PDPR: variants seen among roughly 807,000 people sequenced by gnomAD.
PDPR encodes the protein pyruvate dehydrogenase phosphatase regulatory subunit, mitochondrial.
PDPR carries 50 observed loss-of-function variants against 102.2 expected under a neutral mutation model. The observed-to-expected ratio is 0.49, with a 90% confidence interval of 0.39 to 0.62. The LOEUF (loss-of-function observed/expected upper bound fraction) is 0.62, where lower values mean the gene tolerates loss of function less well. Among genes scored for constraint, PDPR ranks in the 20% least tolerant of loss-of-function variants. The pLI is 0.00. For missense variants in PDPR, 625 were observed against 1,098.2 expected (o/e 0.57, Z 6.09); for synonymous variants, 259 against 406.0 (o/e 0.64, Z 4.35).
chr16:70,150,224 C>A (rs2152116546), intron 17 of PDPR, among the ~76,000 whole-genome samples: 1 of 152,080 alleles, frequency 6.6e-6, no homozygotes, highest in East Asian at 1.9e-4. Flanking sequence ...CTGCCTCAGC[C>A]TCCCGAGTAG....
chr16:70,135,838 CA>C (rs1450383630), intron 9 of PDPR, among the ~76,000 whole-genome samples: 5 of 152,244 alleles, frequency 3.3e-5, no homozygotes, highest in Non-Finnish European at 5.9e-5. Flanking sequence ...GAGGCCGAGG[CA>C]GGCAGATCAC....
At chr16:70,152,659 C>T (rs566359628) in intron 17 of PDPR, among the ~76,000 whole-genome samples, 63 of 152,376 alleles carry the variant, frequency 4.1e-4, no homozygotes, top group Middle Eastern at 3.4e-3. Flanking sequence ...TTCTTTGCTA[C>T]GTCTTGCTTT....
chr16:70,119,334 AC>A (rs1224000279), intron 2 of PDPR, among the ~76,000 whole-genome samples: 5 of 149,876 alleles, frequency 3.3e-5, no homozygotes, highest in Admixed American at 2.0e-4. Flanking sequence ...ACATCCCCCA[AC>A]CCCCCACCGC....
Position 70,160,914 on chromosome 16 carries a change from G to C in PDPR, c.*4035G>C, listed in dbSNP as rs1295826832. The C allele has an allele frequency of 3.3e-5, 5 of 152,352 alleles. No homozygotes were observed. Among genetic ancestry groups the C allele is most frequent in the Non-Finnish European group, 7.3e-5 (5 of 68,186 alleles). 9.4% of individuals were successfully genotyped at this position (152,352 alleles called of 1,614,324 possible). ...CATATGGACACATTTCCTGGCATTT[G>C]CCTGAGTCTACACCACTTTTTGAGA... On this transcript the variant is annotated 3_prime_UTR_variant, in exon 19 of 19. Transcript: ENST00000288050.
At chr16:70,151,223 C>T (rs8053041) in intron 17 of PDPR, among the ~76,000 whole-genome samples, 11,604 of 150,164 alleles carry the variant, frequency 0.077, 502 homozygotes, top group African/African-American at 0.27. Flanking sequence ...CATGAGCCAC[C>T]GCACCCGGCC....
intron 11 of PDPR, among the ~76,000 whole-genome samples, chr16:70,141,346 G>A (rs2911107): frequency 0.012 from 1,777 of 151,700 alleles, 3 homozygotes; most frequent in Non-Finnish European, 0.018. Flanking sequence ...CACCACACCC[G>A]GCCTAAGAGA....
At chr16:70,120,003 G>A (rs940601257) in intron 2 of PDPR, 32 of 155,176 alleles carry the variant, frequency 2.1e-4, no homozygotes, top group African/African-American at 6.5e-4. Flanking sequence ...TGCAGCCTCC[G>A]CCTCCCGGGT....
At chr16:70,133,111 C>CTTTTTTTTTTTTTTTTTTTTTTTT (rs140652740) in intron 9 of PDPR, among the ~76,000 whole-genome samples, 1 of 97,232 alleles carries the variant, frequency 1.0e-5, no homozygotes, top group African/African-American at 4.3e-5. Context: ...TACCCAGCTG[C>CTTTTTTTTTTTTTTTTTTTTTTTT]TTTTTTTTTT....
intron 6 of PDPR, 120 bp from the exon 7 acceptor site, chr16:70,130,298 TAAAAA>T (rs1212230726): frequency 8.5e-7 from 1 of 1,170,514 alleles, no homozygotes; most frequent in Non-Finnish European, 1.2e-6. Context: ...AAAAATAAAA[TAAAAA>T]AATAAATTAA....
intron 9 of PDPR, among the ~76,000 whole-genome samples, 191 bp downstream of exon 9, chr16:70,132,491 C>G (rs1295275578): frequency 6.6e-6 from 1 of 152,228 alleles, no homozygotes; most frequent in Non-Finnish European, 1.5e-5. Flanking sequence ...GGACTAAAAT[C>G]TTAGTTAATA....
intron 10 of PDPR, 35 bp downstream of exon 10, chr16:70,136,421 T>C (rs1965150933): frequency 3.4e-6 from 5 of 1,473,758 alleles, no homozygotes; most frequent in Non-Finnish European, 4.7e-6. Flanking sequence ...GCTGTGAACA[T>C]AAGTCAACTT....
In PDPR at chr16:70,156,008, GC is replaced by G. The variant is rs1332995133; in HGVS notation, c.2236-465del. ...AGGTTCAAGTGATTTTCCTGTCTCA[GC>G]CTCCCAAGTAGCTAGAACTATAGGC... On this transcript the variant is annotated intron_variant, in intron 18 of 18. Coordinates refer to ENST00000288050, the MANE Select transcript of PDPR (RefSeq NM_017990.5). Among the ~76,000 whole-genome samples the G allele has an allele frequency of 3.3e-5, 5 of 152,284 alleles. No homozygotes were observed. In the East Asian group the frequency reaches 9.7e-4, roughly 29 times the overall value.
Position 70,158,097 on chromosome 16 carries a change from A to C in PDPR, c.*1218A>C, listed in dbSNP as rs1010774308. The C allele has an allele frequency of 3.2e-4, 49 of 153,204 alleles. No homozygotes were observed. The highest frequency in any genetic ancestry group is 2.0e-3 in the Admixed American group (31 of 15,302). 9.5% of individuals were successfully genotyped at this position (153,204 alleles called of 1,614,324 possible). On this transcript the variant is annotated 3_prime_UTR_variant, in exon 19 of 19. Coordinates refer to ENST00000288050, the MANE Select transcript of PDPR (RefSeq NM_017990.5). ...AGACCGCTTTTCCTCCTTTCCCCCC[A>C]GGCTCTTTGTTTCCCTCCACCCACC... is the stretch of plus-strand genomic sequence containing the variant.
chr16:70,162,162 T>G lies in PDPR; in HGVS notation c.*5283T>G, dbSNP rs1287079572. 1 of 152,546 alleles carries G rather than the reference T, an allele frequency of 6.6e-6. No homozygotes were observed. The highest frequency in any genetic ancestry group is 1.5e-5 in the Non-Finnish European group (1 of 68,214). The allele number at this position is 152,546 out of a possible 1,614,324, so 9.4% of individuals were successfully genotyped here. A position where few individuals can be genotyped will look rare whatever the true frequency, so the allele number is the denominator to read the frequency against. ...AATGGGCGTGGGGTAGAAAGCTCTT[T>G]CAGTGAAGGGTGTTCTAGCAGCTCA... is the stretch of plus-strand genomic sequence containing the variant. On this transcript the variant is annotated 3_prime_UTR_variant, in exon 19 of 19. Transcript: ENST00000288050.
In PDPR at chr16:70,130,552, A is replaced by G; in HGVS notation, c.729+8A>G. ...GTCAACTGTGCTGGCCAGGTAGGTC[A>G]GCACCAACACTGCTGTTCTTATTTA... On this transcript the variant is annotated splice_region_variant and intron_variant, in intron 7 of 18. Coordinates refer to ENST00000288050, the MANE Select transcript of PDPR (RefSeq NM_017990.5). 1 of 1,613,966 alleles carries G rather than the reference A, an allele frequency of 6.2e-7. No individual in the cohort carries two copies. Among genetic ancestry groups the G allele is most frequent in the Admixed American group, 1.7e-5 (1 of 60,004 alleles).
chr16:70,130,413 C>G lies in PDPR; in HGVS notation c.608-10C>G. The stretch of plus-strand genomic sequence containing the variant: ...GATGAAACACCAACTCTTTCTTTAC[C>G]TTGGAACAGGTGTTCAGATCTATGA... On this transcript the variant is annotated splice_polypyrimidine_tract_variant and intron_variant, in intron 6 of 18. Coordinates refer to ENST00000288050, the MANE Select transcript of PDPR (RefSeq NM_017990.5). 1 of 1,613,036 alleles carries G rather than the reference C, an allele frequency of 6.2e-7. No homozygotes were observed. Among genetic ancestry groups the G allele is most frequent in the Non-Finnish European group, 8.5e-7 (1 of 1,179,532 alleles).
chr16:70,141,870 C>T (rs529428587), intron 11 of PDPR, among the ~76,000 whole-genome samples: 25 of 152,358 alleles, frequency 1.6e-4, no homozygotes, highest in Non-Finnish European at 2.9e-4. Flanking sequence ...GAGGCTGGGG[C>T]GGGCAGATCA....
At chr16:70,141,339 C>T (rs1965692797) in intron 11 of PDPR, among the ~76,000 whole-genome samples, 1 of 152,242 alleles carries the variant, frequency 6.6e-6, no homozygotes, top group African/African-American at 2.4e-5. Flanking sequence ...CGTGAGCCAC[C>T]ACACCCGGCC....
At position 70,160,232 on chromosome 16, in the gene PDPR, T is replaced by G. The variant is rs1967652464; in HGVS notation, c.*3353T>G. On this transcript the variant is annotated 3_prime_UTR_variant, in exon 19 of 19. Transcript: ENST00000288050. ...TCTTAGCACTGCCAGGGTCATTGACTTCCATCTAAGCTTGCATCAGGAAGA... is the reference window on the plus strand; with the variant it reads ...TCTTAGCACTGCCAGGGTCATTGACGTCCATCTAAGCTTGCATCAGGAAGA... 6.6e-6 allele frequency: 1 copy of G among 152,606 alleles called. No individual in the cohort carries two copies. Among genetic ancestry groups the G allele is most frequent in the Non-Finnish European group, 1.5e-5 (1 of 68,218 alleles). 9.5% of individuals were successfully genotyped at this position (152,606 alleles called of 1,614,324 possible).
Sources: allele counts gnomAD v4.1 joint callset (sites outside exome capture counted in the v4.1 genomes callset), GRCh38; gene constraint gnomAD v4.1.1; transcripts MANE v1.5; gene names NCBI Gene and HGNC (gene_info 2026-07-23, HGNC 2026-07-21).